STOML2: variants seen among roughly 807,000 people sequenced by gnomAD.
The protein encoded by STOML2 is stomatin like 2.
A neutral mutation model predicts 45.7 loss-of-function variants in STOML2; 22 were observed. That is an observed-to-expected ratio of 0.48 (90% confidence interval 0.34 to 0.69). STOML2 has a LOEUF of 0.69. STOML2 is among the 30% of genes least tolerant of loss of function. STOML2 has a pLI of 0.01. For missense variants in STOML2, 359 were observed against 466.9 expected (o/e 0.77, Z 2.13); for synonymous variants, 181 against 182.7 (o/e 0.99, Z 0.08).
chr9:35,100,447 C>A, intron 9 of STOML2, 151 bp downstream of exon 9: 1 of 1,133,654 alleles, frequency 8.8e-7, no homozygotes, highest in South Asian at 1.5e-5. Flanking sequence ...ATGTTTCATT[C>A]TTAGATTCCA....
chr9:35,103,114 C>T lies in STOML2; in HGVS notation c.-20G>A, dbSNP rs369771672. 3.4e-5 allele frequency: 55 copies of T among 1,612,390 alleles called. No homozygotes were observed. The East Asian group carries it at 1.1e-3, about 33-fold the overall frequency. ...CAGCATTTCCCACCGCCGCAGCGAC[C>T]TCCGGAACCAACGAGACGAGCGGAG... On this transcript the variant is annotated 5_prime_UTR_variant, in exon 1 of 10. Coordinates refer to ENST00000356493, the MANE Select transcript of STOML2 (RefSeq NM_013442.3).
Position 35,102,820 on chromosome 9 carries a change from A to G in STOML2, c.49T>C (p.Ser17Pro). 1 of 1,613,958 alleles carries G rather than the reference A, an allele frequency of 6.2e-7. No homozygotes were observed. The highest frequency in any genetic ancestry group is 8.5e-7 in the Non-Finnish European group (1 of 1,179,934). Residue 17 changes from serine to proline, a missense_variant, in exon 2 of 10, where the codon TCT becomes CCT. Transcript: ENST00000356493. The surrounding 1 kb of genome is among the most constrained non-coding windows in gnomAD (Gnocchi z 4.8). ...GGAGCGCGGCCAGAAGCCAGTAGAG[A>G]GCCCTGAAGGAAAGAAGAGGGTGAG... ...RGTGALLLRG[S>P]LLASGRAPRR...
chr9:35,103,078 G>A lies in STOML2; in HGVS notation c.17C>T (p.Ala6Val). The change falls in exon 1 of 10, where the codon GCG becomes GTG. Residue 6 changes from alanine to valine, a missense_variant. This residue lies in a region of STOML2 where 74 missense variants were observed against 45.0 expected (regional missense o/e 1.65). Coordinates refer to ENST00000356493, the MANE Select transcript of STOML2 (RefSeq NM_013442.3). Reference protein sequence around the residue: MLARAARGTGALLLRG... With the variant: MLARAVRGTGALLLRG... ...CAGCAAAAGGGCCCCAGTGCCCCGC[G>A]CCGCGCGCGCCAGCATTTCCCACCG... 6.2e-7 allele frequency: 1 copy of A among 1,613,858 alleles called. No homozygotes were observed. Among genetic ancestry groups the A allele is most frequent in the Non-Finnish European group, 8.5e-7 (1 of 1,179,962 alleles).
chr9:35,103,161 C>T (rs946840823), upstream of STOML2: 19 of 1,587,416 alleles, frequency 1.2e-5, no homozygotes, highest in Non-Finnish European at 1.4e-5. Context: ...AGAAGCCTAC[C>T]CGAGCCTTTC....
Position 35,101,321 on chromosome 9 carries a change from C to T in STOML2, c.580-42G>A. The stretch of plus-strand genomic sequence containing the variant: ...ATCCCAATCAACAAGCCAAGGGAGA[C>T]TGATACAGACATGCAACTCTACCCA... On this transcript the variant is annotated intron_variant, in intron 6 of 9. Transcript: ENST00000356493. This position sits in a 1 kb window ranked among gnomAD's most constrained non-coding sequence, Gnocchi z 4.3. 4.3e-6 allele frequency: 7 copies of T among 1,613,818 alleles called. No homozygotes were observed. The highest frequency in any genetic ancestry group is 5.9e-6 in the Non-Finnish European group (7 of 1,179,720).
At position 35,101,327 on chromosome 9, in the gene STOML2, C is replaced by A. The variant is rs774002985; in HGVS notation, c.580-48G>T. On this transcript the variant is annotated intron_variant, in intron 6 of 9. Transcript: ENST00000356493. This position sits in a 1 kb window ranked among gnomAD's most constrained non-coding sequence, Gnocchi z 4.3. The stretch of plus-strand genomic sequence containing the variant: ...ATCAACAAGCCAAGGGAGACTGATA[C>A]AGACATGCAACTCTACCCATCATAA... The A allele has an allele frequency of 3.1e-6, 5 of 1,613,644 alleles. No homozygotes were observed. The highest frequency in any genetic ancestry group is 3.4e-6 in the Non-Finnish European group (4 of 1,179,672).
At position 35,100,318 on chromosome 9, in the gene STOML2, G is replaced by A. The variant is rs928605572; in HGVS notation, c.934-146C>T. 30 of 1,132,664 alleles carry A rather than the reference G, an allele frequency of 2.6e-5. No homozygotes were observed. In the Admixed American group the frequency reaches 5.7e-4, roughly 22 times the overall value. The allele number at this position is 1,132,664 out of a possible 1,614,324, so 70.2% of individuals were successfully genotyped here. A position where few individuals can be genotyped will look rare whatever the true frequency, so the allele number is the denominator to read the frequency against. ...CTCTCAAACCTGTCTTGTAAGCTCT[G>A]GAGTTGATTTTAGGAATCTTGCAAA... On this transcript the variant is annotated intron_variant, in intron 9 of 9. Transcript: ENST00000356493.
At chr9:35,100,776 G>T in intron 8 of STOML2, 50 bp from the exon 9 acceptor site, 1 of 1,612,064 alleles carries the variant, frequency 6.2e-7, no homozygotes, top group East Asian at 2.2e-5. Context: ...CGGAGAAGAA[G>T]GGGGGGATGG....
chr9:35,103,100 A>G lies in STOML2; in HGVS notation c.-6T>C. On this transcript the variant is annotated 5_prime_UTR_variant, in exon 1 of 10. Transcript: ENST00000356493. ...CGCGCCGCGCGCGCCAGCATTTCCC[A>G]CCGCCGCAGCGACCTCCGGAACCAA... 6.2e-7 allele frequency: 1 copy of G among 1,612,602 alleles called. No individual in the cohort carries two copies. Among genetic ancestry groups the G allele is most frequent in the African/African-American group, 1.3e-5 (1 of 74,962 alleles).
intron 8 of STOML2, 80 bp downstream of exon 8, chr9:35,100,852 C>T (rs984718393): frequency 1.5e-5 from 24 of 1,610,986 alleles, no homozygotes; most frequent in South Asian, 9.9e-5. Flanking sequence ...CCCACAGAGG[C>T]GGAACTCTCC....
intron 8 of STOML2, 41 bp from the exon 9 acceptor site, chr9:35,100,767 G>C (rs375294858): frequency 3.1e-6 from 5 of 1,613,766 alleles, no homozygotes; most frequent in East Asian, 2.2e-5. Context: ...TCACCGATAC[G>C]GAGAAGAAGG....
At position 35,102,584 on chromosome 9, in the gene STOML2, A is replaced by C; in HGVS notation, c.183+102T>G. ...GTCAGGTCTGGCCTACAGAGTCGGGAGCTAACAGTGCGGGCAGGCCCAAAG... is the reference window on the plus strand; with the variant it reads ...GTCAGGTCTGGCCTACAGAGTCGGGCGCTAACAGTGCGGGCAGGCCCAAAG... On this transcript the variant is annotated intron_variant, in intron 2 of 9. Coordinates refer to ENST00000356493, the MANE Select transcript of STOML2 (RefSeq NM_013442.3). The surrounding 1 kb of genome is among the most constrained non-coding windows in gnomAD (Gnocchi z 4.8). 1 of 1,536,574 alleles carries C rather than the reference A, an allele frequency of 6.5e-7. No individual in the cohort carries two copies. The highest frequency in any genetic ancestry group is 8.8e-7 in the Non-Finnish European group (1 of 1,142,814).
At position 35,101,157 on chromosome 9, in the gene STOML2, A is replaced by T; in HGVS notation, c.702T>A (p.Ala234=). The change falls in exon 7 of 10, where the codon GCT becomes GCA. Residue 234 remains alanine (A), a synonymous_variant. Transcript: ENST00000356493. The surrounding 1 kb of genome is among the most constrained non-coding windows in gnomAD (Gnocchi z 4.3). ...AQILASEAEK[A]EQINQAAGEA... ...GACCTGCTGCCTGATTTATCTGTTC[A>T]GCCTTTTCTGCTTCGGAGGCCAGGA... 6.2e-7 allele frequency: 1 copy of T among 1,614,202 alleles called. No homozygotes were observed. Among genetic ancestry groups the T allele is most frequent in the Non-Finnish European group, 8.5e-7 (1 of 1,180,040 alleles).
chr9:35,102,817 G>A lies in STOML2; in HGVS notation c.52C>T (p.Leu18=). The change falls in exon 2 of 10, where the codon CTA becomes TTA. Residue 18 remains leucine, a synonymous_variant. Coordinates refer to ENST00000356493, the MANE Select transcript of STOML2 (RefSeq NM_013442.3). The surrounding 1 kb of genome is among the most constrained non-coding windows in gnomAD (Gnocchi z 4.8). The part of the protein sequence containing the change: ...GTGALLLRGS[L]LASGRAPRRA... Reference sequence around the variant, plus strand: ...CGCGGAGCGCGGCCAGAAGCCAGTAGAGAGCCCTGAAGGAAAGAAGAGGGT... The same window carrying A: ...CGCGGAGCGCGGCCAGAAGCCAGTAAAGAGCCCTGAAGGAAAGAAGAGGGT... 1 of 1,614,026 alleles carries A rather than the reference G, an allele frequency of 6.2e-7. No individual in the cohort carries two copies. The highest frequency in any genetic ancestry group is 8.5e-7 in the Non-Finnish European group (1 of 1,179,968).
chr9:35,100,471 T>C (rs666549), intron 9 of STOML2, 127 bp downstream of exon 9: 977,618 of 1,291,176 alleles, frequency 0.76, 373,417 homozygotes, highest in Admixed American at 0.82. Flanking sequence ...CTACAAAGAA[T>C]GAAGGGAGGT....
rs1196386435 is a variant in STOML2, at chr9:35,101,769, G to A, written c.385C>T (p.Leu129=). The change falls in exon 5 of 10, where the codon CTA becomes TTA. Residue 129 remains leucine, a synonymous_variant. Transcript: ENST00000356493. The surrounding 1 kb of genome is among the most constrained non-coding windows in gnomAD (Gnocchi z 4.3). ...VEDPEYAVTQ[L]AQTTMRSELG... ...TCTGATCTCATGGTTGTTTGAGCTA[G>A]CTGGGTGACGGCATACTCAGGGTCC... is the stretch of plus-strand genomic sequence containing the variant. 6.2e-7 allele frequency: 1 copy of A among 1,614,164 alleles called. No individual in the cohort carries two copies. The highest frequency in any genetic ancestry group is 2.2e-5 in the East Asian group (1 of 44,882).
Position 35,102,564 on chromosome 9 carries a change from G to T in STOML2, c.183+122C>A. 2 of 1,477,584 alleles carry T rather than the reference G, an allele frequency of 1.4e-6. No individual in the cohort carries two copies. The highest frequency in any genetic ancestry group is 2.8e-5 in the African/African-American group (2 of 71,138). 91.5% of individuals were successfully genotyped at this position (1,477,584 alleles called of 1,614,324 possible). A position where few individuals can be genotyped will look rare whatever the true frequency, so the allele number is the denominator to read the frequency against. The stretch of plus-strand genomic sequence containing the variant: ...TGGTCAGCAGCCTGGGCCCTGTCAG[G>T]TCTGGCCTACAGAGTCGGGAGCTAA... On this transcript the variant is annotated intron_variant, in intron 2 of 9. Transcript: ENST00000356493. The surrounding 1 kb of genome is among the most constrained non-coding windows in gnomAD (Gnocchi z 4.8).
In STOML2 at chr9:35,101,359, G is replaced by T. The variant is rs1445055376; in HGVS notation, c.579+67C>A. 1.1e-5 allele frequency: 17 copies of T among 1,608,892 alleles called. No individual in the cohort carries two copies. The highest frequency in any genetic ancestry group is 1.4e-5 in the African/African-American group (1 of 73,810). On this transcript the variant is annotated intron_variant, in intron 6 of 9. Transcript: ENST00000356493. The surrounding 1 kb of genome is among the most constrained non-coding windows in gnomAD (Gnocchi z 4.3). ...GCAACTCTACCCATCATAACAGGAG[G>T]GAAGTCTGGATCCTCCTGGTACTGG...
chr9:35,102,318 A>G lies in STOML2; in HGVS notation c.184-124T>C, dbSNP rs1167355935. ...CCCAGAAAAGCAGCAGCTCCTACCA[A>G]GAAATAAGTCCTCAGAAGGCTGAGG... On this transcript the variant is annotated intron_variant, in intron 2 of 9. Transcript: ENST00000356493. This position sits in a 1 kb window ranked among gnomAD's most constrained non-coding sequence, Gnocchi z 4.8. The G allele has an allele frequency of 5.0e-6, 4 of 807,408 alleles. No homozygotes were observed. The East Asian group carries it at 1.1e-4, about 21-fold the overall frequency. 50.0% of individuals were successfully genotyped at this position (807,408 alleles called of 1,614,324 possible). A position where few individuals can be genotyped will look rare whatever the true frequency, so the allele number is the denominator to read the frequency against.
Sources: gnomAD v4.1 joint callset for allele counts on GRCh38, gnomAD v4.1.1 for gene constraint, gnomAD v4.1.1 regional missense constraint, Gnocchi (gnomAD v3.1) non-coding constraint, MANE v1.5 for transcripts, NCBI Gene and HGNC (gene_info 2026-07-23, HGNC 2026-07-21) for gene names.